The following SP7 variants were observed in gnomAD, a reference collection of about 807,000 sequenced individuals.
The protein encoded by SP7 is transcription factor Sp7.
Under a neutral mutation model 27.9 loss-of-function variants are expected in SP7, and 13 were observed. The ratio of observed to expected loss-of-function variants is 0.47; its 90% CI spans 0.30 to 0.74. The LOEUF is 0.74. SP7 is among the 30% of genes least tolerant of loss of function. The probability of loss-of-function intolerance (pLI) is 0.06; values close to 1 mark genes in which losing one functional copy is unlikely to be tolerated. For synonymous variants in SP7, 219 were observed against 226.7 expected, an observed-to-expected ratio of 0.97 and a Z score of 0.31; for missense variants, 525 against 558.0, an observed-to-expected ratio of 0.94 and a Z score of 0.60.
At position 53,328,626 on chromosome 12, in the gene SP7, G is replaced by A; in HGVS notation, c.816C>T (p.Cys272=). ...GSGAGRSSCD[C]PNCQELERLG... is the part of the protein sequence containing the mutation. ...GCCGCTCTAGCTCCTGGCAATTAGGGCAGTCGCAGGAGGAGCGCCCTGCCC... is the reference window on the plus strand; with the variant it reads ...GCCGCTCTAGCTCCTGGCAATTAGGACAGTCGCAGGAGGAGCGCCCTGCCC... Residue 272 remains cysteine (C), a synonymous_variant, in exon 3 of 3, where the codon TGC becomes TGT. Coordinates refer to ENST00000536324, the MANE Select transcript of SP7 (RefSeq NM_001173467.3). The surrounding 1 kb of genome is among the most constrained non-coding windows in gnomAD (Gnocchi z 5.1). The A allele has an allele frequency of 6.2e-7, 1 of 1,610,192 alleles. No homozygotes were observed. Among genetic ancestry groups the A allele is most frequent in the Non-Finnish European group, 8.5e-7 (1 of 1,177,144 alleles).
chr12:53,341,852 A>G (rs1944825139), intron 1 of SP7, among the ~76,000 whole-genome samples: 1 of 152,134 alleles, frequency 6.6e-6, no homozygotes, highest in African/African-American at 2.4e-5. Context: ...CGAGGTCAGG[A>G]GATCGAGACC....
At chr12:53,335,764 G>A (rs1343469364) in intron 1 of SP7, 71 bp from the exon 2 acceptor site, 1 of 1,177,274 alleles carries the variant, frequency 8.5e-7, no homozygotes, top group Non-Finnish European at 1.1e-6. Flanking sequence ...TGGGAGAGAA[G>A]AGATCTAAAG....
At chr12:53,330,437 T>C (rs1944691675) in intron 2 of SP7, among the ~76,000 whole-genome samples, 2 of 152,096 alleles carry the variant, frequency 1.3e-5, no homozygotes, top group South Asian at 4.1e-4. Flanking sequence ...CACTGTAGCC[T>C]CAAACTTCTT....
intron 1 of SP7, among the ~76,000 whole-genome samples, chr12:53,342,057 C>CA (rs71068110): frequency 0.72 from 102,966 of 143,314 alleles, 36,881 homozygotes; most frequent in East Asian, 0.98. Flanking sequence ...GACTCCGTCT[C>CA]AAAAAAAAAA....
upstream of SP7, among the ~76,000 whole-genome samples, chr12:53,336,663 T>TGGA (rs978940355): frequency 6.6e-6 from 1 of 151,868 alleles, no homozygotes; most frequent in African/African-American, 2.4e-5. Flanking sequence ...CAGCTGACCA[T>TGGA]GGAGAGGCTT....
At position 53,344,739 on chromosome 12, in the gene SP7, T is replaced by G. The variant is rs1944849074; in HGVS notation, c.-34+375A>C. 6.6e-6 allele frequency among the ~76,000 whole-genome samples: 1 copy of G among 151,810 alleles called. No individual in the cohort carries two copies. The highest frequency in any genetic ancestry group is 1.5e-5 in the Non-Finnish European group (1 of 67,914). On this transcript the variant is annotated intron_variant, in intron 1 of 1. Coordinates refer to the SP7 transcript ENST00000547755. The surrounding 1 kb of genome is among the most constrained non-coding windows in gnomAD (Gnocchi z 4.6). Reference sequence around the variant, plus strand: ...GCTCCGGGGCTGCTGGGAGGTCTCTTGCGGCCTAGGCCAGGCTCAGGGCCG... The same window carrying G: ...GCTCCGGGGCTGCTGGGAGGTCTCTGGCGGCCTAGGCCAGGCTCAGGGCCG...
rs2136834349 is a variant in SP7 at position 53,328,582 on chromosome 12, C to G, written c.860G>C (p.Gly287Ala). The G allele has an allele frequency of 1.9e-6, 3 of 1,609,566 alleles. No homozygotes were observed. The East Asian group carries it at 6.7e-5, about 36-fold the overall frequency. ...GCTGTGGATGGGCTTCTTCCGCAGC[C>G]CAGCCGCTGCTGCTCCCAGCCGCTC... ...ELERLGAAAA[G>A]LRKKPIHSCH... The change falls in exon 3 of 3, where the codon GGG becomes GCG. Residue 287 changes from glycine (G) to alanine (A), a missense_variant. Gly to Ala is a moderately conservative substitution (Grantham distance 60, BLOSUM62 0). Coordinates refer to ENST00000536324, the MANE Select transcript of SP7 (RefSeq NM_001173467.3). The surrounding 1 kb of genome is among the most constrained non-coding windows in gnomAD (Gnocchi z 5.1).
chr12:53,343,687 G>A (rs918496463), intron 1 of SP7, among the ~76,000 whole-genome samples: 1 of 152,180 alleles, frequency 6.6e-6, no homozygotes, highest in Non-Finnish European at 1.5e-5. Context: ...CGGAGGCAAG[G>A]AAACAATCTG....
chr12:53,328,005 A>G lies in SP7; in HGVS notation c.*141T>C. ...GGCATGCAAGGAGATACCCAAGCCCAGAATGGCCAGGAGGGAGACAGAGGG... is the reference window on the plus strand; with the variant it reads ...GGCATGCAAGGAGATACCCAAGCCCGGAATGGCCAGGAGGGAGACAGAGGG... On this transcript the variant is annotated 3_prime_UTR_variant, in exon 3 of 3. Coordinates refer to ENST00000536324, the MANE Select transcript of SP7 (RefSeq NM_001173467.3). This position sits in a 1 kb window ranked among gnomAD's most constrained non-coding sequence, Gnocchi z 5.1. The G allele has an allele frequency of 1.2e-6, 1 of 842,428 alleles. No individual in the cohort carries two copies. Among genetic ancestry groups the G allele is most frequent in the Non-Finnish European group, 1.8e-6 (1 of 560,012 alleles). The allele number at this position is 842,428 out of a possible 1,614,324, so 52.2% of individuals were successfully genotyped here.
intron 2 of SP7, among the ~76,000 whole-genome samples, chr12:53,330,166 A>T (rs1944687922): frequency 6.6e-6 from 1 of 152,146 alleles, no homozygotes. Context: ...CTCCTGCCTC[A>T]GCCTCCCACA....
At chr12:53,340,069 G>A (rs1408628757), upstream of SP7, among the ~76,000 whole-genome samples, 1 of 152,022 alleles carries the variant, frequency 6.6e-6, no homozygotes, top group Non-Finnish European at 1.5e-5. Context: ...GTACTATGCA[G>A]GCATCCATAT....
At chr12:53,334,791 C>T (rs916084837) in intron 2 of SP7, among the ~76,000 whole-genome samples, 35 of 152,172 alleles carry the variant, frequency 2.3e-4, no homozygotes, top group African/African-American at 8.2e-4. Flanking sequence ...TCAGAAATTT[C>T]TCAAGACCCC....
chr12:53,328,387 T>G lies in SP7; in HGVS notation c.1055A>C (p.Lys352Thr). The G allele has an allele frequency of 6.2e-7, 1 of 1,613,890 alleles. No homozygotes were observed. Among genetic ancestry groups the G allele is most frequent in the Non-Finnish European group, 8.5e-7 (1 of 1,179,794 alleles). Residue 352 changes from lysine (K) to threonine (T), a missense_variant, in exon 3 of 3, where the codon AAG (lysine) becomes ACG (threonine). Coordinates refer to ENST00000536324, the MANE Select transcript of SP7 (RefSeq NM_001173467.3). The surrounding 1 kb of genome is among the most constrained non-coding windows in gnomAD (Gnocchi z 5.1). ...ERHVRTHTRE[K>T]KFTCLLCSKR... ...GGAGCAGAGCAGGCAGGTGAACTTC[T>G]TCTCCCGGGTGTGAGTGCGCACATG... is the stretch of plus-strand genomic sequence containing the variant.
rs965420663 is a variant in SP7, at chr12:53,327,959, A to G, written c.*187T>C. 3.4e-6 allele frequency: 2 copies of G among 584,202 alleles called. No homozygotes were observed. Among genetic ancestry groups the G allele is most frequent in the South Asian group, 2.4e-5 (1 of 42,164 alleles). 36.2% of individuals were successfully genotyped at this position (584,202 alleles called of 1,614,324 possible). On this transcript the variant is annotated 3_prime_UTR_variant, in exon 3 of 3. Coordinates refer to ENST00000536324, the MANE Select transcript of SP7 (RefSeq NM_001173467.3). ...TTGTGGAAAGCCAGTCTCATGGTGA[A>G]GAGAGAAGGTGAGCTGAGGAGGCAT... is the stretch of plus-strand genomic sequence containing the variant.
At chr12:53,340,767 G>T (rs768899342), upstream of SP7, among the ~76,000 whole-genome samples, 1 of 152,176 alleles carries the variant, frequency 6.6e-6, no homozygotes. Flanking sequence ...AAGAAGGCAC[G>T]CAGAGACAGG....
upstream of SP7, among the ~76,000 whole-genome samples, chr12:53,338,220 C>T (rs1592537208): frequency 6.6e-6 from 1 of 152,124 alleles, no homozygotes; most frequent in African/African-American, 2.4e-5. Flanking sequence ...CGGGCCACCC[C>T]ACCCGTCTGC....
At chr12:53,339,420 CAG>C (rs1372929365), upstream of SP7, among the ~76,000 whole-genome samples, 1 of 152,242 alleles carries the variant, frequency 6.6e-6, no homozygotes, top group African/African-American at 2.4e-5. Context: ...GGGGTGAAAA[CAG>C]AATGAAAACT....
chr12:53,339,554 G>C (rs568452475), upstream of SP7, among the ~76,000 whole-genome samples: 14 of 151,958 alleles, frequency 9.2e-5, no homozygotes, highest in Admixed American at 3.9e-4. Context: ...GTGAAACCCC[G>C]TCTCTACTAA....
Position 53,328,964 on chromosome 12 carries a change from C to T in SP7, c.478G>A (p.Asp160Asn), listed in dbSNP as rs1944669573. 6.2e-7 allele frequency: 1 copy of T among 1,612,174 alleles called. No homozygotes were observed. The highest frequency in any genetic ancestry group is 8.5e-7 in the Non-Finnish European group (1 of 1,179,034). ...GPGNTPTPWW[D>N]MHPGGNWLGG... Reference sequence around the variant, plus strand: ...AGCCAGTTGCCTCCAGGGTGCATATCCCACCATGGAGTAGGAGTGTTGCCT... The same window carrying T: ...AGCCAGTTGCCTCCAGGGTGCATATTCCACCATGGAGTAGGAGTGTTGCCT... Residue 160 changes from aspartate (D) to asparagine (N), a missense_variant, in exon 3 of 3, where the codon GAT (aspartate) becomes AAT (asparagine). Asp to Asn is a conservative substitution (Grantham distance 23). Coordinates refer to ENST00000536324, the MANE Select transcript of SP7 (RefSeq NM_001173467.3). The surrounding 1 kb of genome is among the most constrained non-coding windows in gnomAD (Gnocchi z 5.1).
Sources: allele counts gnomAD v4.1 joint callset (sites outside exome capture counted in the v4.1 genomes callset), GRCh38; gene constraint gnomAD v4.1.1; non-coding constraint Gnocchi (gnomAD v3.1); transcripts MANE v1.5; gene names NCBI Gene and HGNC (gene_info 2026-07-23, HGNC 2026-07-21).